Variants in ERBB4 observed in about 807,000 individuals in gnomAD.
The protein encoded by ERBB4 is receptor tyrosine-protein kinase erbB-4.
In ERBB4, 42 loss-of-function variants were observed where a neutral mutation model predicts 158.0. That is an observed-to-expected ratio of 0.27 (90% confidence interval 0.21 to 0.34). ERBB4 has a LOEUF of 0.34. Ranked by LOEUF, ERBB4 falls within the 10% of genes least tolerant of loss-of-function variation. The pLI, the probability that ERBB4 is intolerant of heterozygous loss-of-function variation, is 1.00. For missense variants in ERBB4, 1,333 were observed against 1,624.1 expected (o/e 0.82, Z 3.08); for synonymous variants, 583 against 558.7 (o/e 1.04, Z -0.61).
chr2:212,331,671 A>G (rs1440881971), intron 1 of ERBB4, among the ~76,000 whole-genome samples: 1 of 152,046 alleles, frequency 6.6e-6, no homozygotes, highest in African/African-American at 2.4e-5. Context: ...ACCAAACTCA[A>G]TCAAATTAGT....
At chr2:212,169,116 C>G (rs545827895) in intron 1 of ERBB4, among the ~76,000 whole-genome samples, 2 of 152,168 alleles carry the variant, frequency 1.3e-5, no homozygotes, top group South Asian at 4.1e-4. Flanking sequence ...AATTTATTAT[C>G]TAAAAGACTT....
intron 2 of ERBB4, among the ~76,000 whole-genome samples, chr2:212,043,633 T>A (rs2077191290): frequency 6.6e-6 from 1 of 152,162 alleles, no homozygotes. Flanking sequence ...GCAGTTAAGA[T>A]GCCTACTATT....
At chr2:211,437,215 A>G (rs1483495311) in intron 20 of ERBB4, among the ~76,000 whole-genome samples, 1 of 152,196 alleles carries the variant, frequency 6.6e-6, no homozygotes, top group African/African-American at 2.4e-5. Context: ...AAGTTTTCAA[A>G]GAATGCATAC....
chr2:211,761,285 C>T (rs1236392705), intron 4 of ERBB4, among the ~76,000 whole-genome samples: 6 of 151,378 alleles, frequency 4.0e-5, no homozygotes, highest in Non-Finnish European at 8.8e-5. Flanking sequence ...TTCACACTTC[C>T]TAACATACTA....
intron 2 of ERBB4, among the ~76,000 whole-genome samples, chr2:212,020,290 T>A (rs1244142228): frequency 6.6e-6 from 1 of 152,044 alleles, no homozygotes; most frequent in Non-Finnish European, 1.5e-5. Flanking sequence ...ATAGACTCAA[T>A]ATGCTAGGAC....
At chr2:211,701,881 G>A (rs1396474480) in intron 12 of ERBB4, 86 bp downstream of exon 12, 4 of 992,304 alleles carry the variant, frequency 4.0e-6, no homozygotes, top group Non-Finnish European at 6.5e-6. Context: ...AATTCTGACC[G>A]GATGTTATTT....
chr2:211,823,348 C>T (rs940468265), intron 3 of ERBB4, among the ~76,000 whole-genome samples: 4 of 151,570 alleles, frequency 2.6e-5, no homozygotes, highest in Non-Finnish European at 5.9e-5. Flanking sequence ...ATGCCAGACC[C>T]AAGCTTAATC....
chr2:212,486,545 A>G (rs1689991674), intron 1 of ERBB4, among the ~76,000 whole-genome samples: 2 of 152,184 alleles, frequency 1.3e-5, no homozygotes, highest in South Asian at 4.1e-4. Flanking sequence ...TGCAGCTCCC[A>G]TTGCCTCTAG....
At chr2:212,530,008 G>T (rs13422701) in intron 1 of ERBB4, among the ~76,000 whole-genome samples, 17,381 of 152,140 alleles carry the variant, frequency 0.11, 2,226 homozygotes, top group African/African-American at 0.32. Flanking sequence ...GATTTAAAAA[G>T]AAATTGAAGA....
intron 1 of ERBB4, among the ~76,000 whole-genome samples, chr2:212,496,601 A>G (rs1206484109): frequency 3.9e-4 from 59 of 152,180 alleles, no homozygotes; most frequent in Non-Finnish European, 5.9e-5. Context: ...CTATAAGATA[A>G]AATTTTGTCC....
intron 1 of ERBB4, among the ~76,000 whole-genome samples, chr2:212,135,252 T>A (rs1288381535): frequency 6.6e-6 from 1 of 152,240 alleles, no homozygotes; most frequent in Middle Eastern, 3.4e-3. Context: ...TGAGGGAAAA[T>A]AACCTCATAA....
intron 1 of ERBB4, among the ~76,000 whole-genome samples, chr2:212,327,686 A>C (rs922008850): frequency 6.6e-6 from 1 of 151,046 alleles, no homozygotes; most frequent in Non-Finnish European, 1.5e-5. Flanking sequence ...TTGGGAAAAT[A>C]GTCTAAAACC....
chr2:212,222,497 A>G (rs930927060), intron 1 of ERBB4, among the ~76,000 whole-genome samples: 1 of 151,568 alleles, frequency 6.6e-6, no homozygotes, highest in Non-Finnish European at 1.5e-5. Context: ...TTTACTGCCA[A>G]ACCTAACGGA....
At chr2:212,195,222 C>G (rs1438750255) in intron 1 of ERBB4, among the ~76,000 whole-genome samples, 1 of 151,916 alleles carries the variant, frequency 6.6e-6, no homozygotes, top group Non-Finnish European at 1.5e-5. Flanking sequence ...ACTCTTTTCT[C>G]TCTCCTTTAA....
At chr2:212,334,954 C>G (rs1436222641) in intron 1 of ERBB4, among the ~76,000 whole-genome samples, 1 of 151,712 alleles carries the variant, frequency 6.6e-6, no homozygotes. Context: ...AAGTAGATCA[C>G]TATATCAGGG....
intron 19 of ERBB4, among the ~76,000 whole-genome samples, chr2:211,612,748 G>A (rs2069246828): frequency 6.6e-6 from 1 of 152,180 alleles, no homozygotes; most frequent in East Asian, 1.9e-4. Context: ...AAAAAGTAGG[G>A]AGATCAAATC....
intron 25 of ERBB4, among the ~76,000 whole-genome samples, chr2:211,411,627 T>TTG (rs920280007): frequency 1.3e-5 from 2 of 152,152 alleles, no homozygotes; most frequent in African/African-American, 4.8e-5. Context: ...CTGGGCAGTT[T>TTG]TGTGTGTGTG....
At chr2:211,888,679 C>A (rs143070224) in intron 3 of ERBB4, among the ~76,000 whole-genome samples, 1 of 151,298 alleles carries the variant, frequency 6.6e-6, no homozygotes, top group Non-Finnish European at 1.5e-5. Context: ...TGGGCGCAGG[C>A]CAGTGGGTGC....
intron 16 of ERBB4, among the ~76,000 whole-genome samples, chr2:211,640,689 AAGAT>A (rs1402505198): frequency 1.3e-5 from 2 of 152,188 alleles, no homozygotes; most frequent in African/African-American, 2.4e-5. Context: ...AGAAAGTTGT[AAGAT>A]AGATAAGCAG....
Sources: gnomAD v4.1 joint callset for allele counts (sites outside exome capture counted in the v4.1 genomes callset) on GRCh38, gnomAD v4.1.1 for gene constraint, MANE v1.5 for transcripts, NCBI Gene and HGNC (gene_info 2026-07-23, HGNC 2026-07-21) for gene names.